Variants in CPSF3 observed in about 807,000 individuals in gnomAD.
The protein encoded by CPSF3 is cleavage and polyadenylation specificity factor subunit 3.
Under a neutral mutation model 84.1 loss-of-function variants are expected in CPSF3, and 57 were observed. The ratio of observed to expected loss-of-function variants is 0.68; its 90% CI spans 0.55 to 0.85. The LOEUF (loss-of-function observed/expected upper bound fraction) is 0.85. Ranked by LOEUF, CPSF3 falls within the 40% of genes least tolerant of loss-of-function variation. The pLI, the probability that CPSF3 is intolerant of heterozygous loss-of-function variation, is 0.00. For synonymous variants in CPSF3, 275 were observed against 278.1 expected (o/e 0.99, Z 0.11); for missense variants, 522 against 838.8 (o/e 0.62, Z 4.66).
In CPSF3 at chr2:9,440,532, A is replaced by G; in HGVS notation, c.802A>G (p.Ile268Val). 1.9e-6 allele frequency: 3 copies of G among 1,614,208 alleles called. No individual in the cohort carries two copies. Among genetic ancestry groups the G allele is most frequent in the Non-Finnish European group, 1.7e-6 (2 of 1,180,024 alleles). ...QNHPELHDIP[I>V]YYASSLAKKC... ...TCACCCAGAACTACATGACATTCCA[A>G]TATACTATGCATCATCTTTGGCCAA... The change falls in exon 8 of 18, where the codon ATA (isoleucine) becomes GTA (valine). Residue 268 changes from isoleucine to valine, a missense_variant. Physicochemically the swap from Ile to Val is conservative, Grantham distance 29. Coordinates refer to ENST00000238112, the MANE Select transcript of CPSF3 (RefSeq NM_016207.4).
At chr2:9,466,261 CACAA>C (rs1681926034) in intron 15 of CPSF3, among the ~76,000 whole-genome samples, 2 of 44,754 alleles carry the variant, frequency 4.5e-5, no homozygotes, top group African/African-American at 1.3e-4. Flanking sequence ...CACACACGCA[CACAA>C]AGACGCACGC....
chr2:9,433,646 C>T (rs1250628506), intron 5 of CPSF3, among the ~76,000 whole-genome samples: 1 of 152,156 alleles, frequency 6.6e-6, no homozygotes, highest in Non-Finnish European at 1.5e-5. Context: ...TGAGATGATA[C>T]TGGGAATAGA....
At position 9,430,810 on chromosome 2, in the gene CPSF3, G is replaced by A; in HGVS notation, c.271G>A (p.Gly91Arg). The A allele has an allele frequency of 6.2e-7, 1 of 1,613,414 alleles. No individual in the cohort carries two copies. The highest frequency in any genetic ancestry group is 2.2e-5 in the East Asian group (1 of 44,842). ...PWFLQKTSFKGRTFMTHATKA... is the reference protein window; with the variant it reads ...PWFLQKTSFKRRTFMTHATKA... ...GTTTCTACAGAAGACAAGTTTCAAAGGAAGAACATTTATGACTCATGCCAC... is the reference window on the plus strand; with the variant it reads ...GTTTCTACAGAAGACAAGTTTCAAAAGAAGAACATTTATGACTCATGCCAC... The change falls in exon 4 of 18, where the codon GGA becomes AGA. Residue 91 changes from glycine (G) to arginine (R), a missense_variant. Physicochemically the swap from Gly to Arg is moderately radical, Grantham distance 125. Transcript: ENST00000238112.
chr2:9,466,216 ACGCACGCACACACACACGTGCG>A (rs1359306979), intron 15 of CPSF3, among the ~76,000 whole-genome samples: 18 of 149,888 alleles, frequency 1.2e-4, no homozygotes, highest in South Asian at 4.2e-4. Flanking sequence ...ACGCGCACAC[ACGCACGCACACACACACGTGCG>A]CGCACGCACG....
rs754487968 is a variant in CPSF3 at position 9,472,897 on chromosome 2, G to T, written c.1954-19G>T. On this transcript the variant is annotated intron_variant, in intron 17 of 17. Transcript: ENST00000238112. ...TTATAGACTTAATTCTAACAGTCTT[G>T]TTTGTGCCTCACTTTCAGACTGTAG... 1 of 1,468,990 alleles carries T rather than the reference G, an allele frequency of 6.8e-7. No individual in the cohort carries two copies. The highest frequency in any genetic ancestry group is 1.1e-5 in the South Asian group (1 of 87,612). 91.0% of individuals were successfully genotyped at this position (1,468,990 alleles called of 1,614,324 possible).
rs11691479 is a variant in CPSF3 at position 9,436,699 on chromosome 2, A to G, written c.760+338A>G. 5.8e-3 allele frequency among the ~76,000 whole-genome samples: 886 copies of G among 151,920 alleles called. 11 individuals are homozygous for G. Among genetic ancestry groups the G allele is most frequent in the African/African-American group, 0.02 (834 of 41,384 alleles). ...AGGCAGAGAATTGCTTGAACCTGGG[A>G]GGTGGAGGTTGTAGTGAGCCGAGAT... is the stretch of plus-strand genomic sequence containing the variant. On this transcript the variant is annotated intron_variant, in intron 7 of 17. Transcript: ENST00000238112.
chr2:9,437,860 GACGTGGTGATAC>G (rs1680838901), intron 7 of CPSF3, among the ~76,000 whole-genome samples: 1 of 152,190 alleles, frequency 6.6e-6, no homozygotes, highest in Admixed American at 6.5e-5. Context: ...GAATTAGCTG[GACGTGGTGATAC>G]ACGCCTGTTG....
At chr2:9,453,443 C>G (rs1681403384) in intron 12 of CPSF3, among the ~76,000 whole-genome samples, 1 of 152,122 alleles carries the variant, frequency 6.6e-6, no homozygotes, top group Non-Finnish European at 1.5e-5. Flanking sequence ...GGAGTAGGAA[C>G]AAAAACTTGT....
chr2:9,440,749 G>A, intron 8 of CPSF3, 83 bp downstream of exon 8: 1 of 1,349,622 alleles, frequency 7.4e-7, no homozygotes, highest in Non-Finnish European at 1.0e-6. Context: ...GTGAGTGATG[G>A]CTCACAGCTG....
chr2:9,441,553 A>G (rs529105883), intron 8 of CPSF3, among the ~76,000 whole-genome samples: 47 of 152,312 alleles, frequency 3.1e-4, no homozygotes, highest in African/African-American at 1.1e-3. Flanking sequence ...GATGGTCCTG[A>G]TGGTTCTGAT....
At chr2:9,455,553 G>T in intron 12 of CPSF3, 106 bp from the exon 13 acceptor site, 1 of 783,328 alleles carries the variant, frequency 1.3e-6, no homozygotes, top group South Asian at 1.8e-5. Context: ...TTAGCTTTCT[G>T]AAAAACATGT....
chr2:9,454,201 A>G (rs548485891), intron 12 of CPSF3, among the ~76,000 whole-genome samples: 2 of 152,182 alleles, frequency 1.3e-5, no homozygotes, highest in South Asian at 2.1e-4. Context: ...CAAGGTCAGG[A>G]GTTCGAGACC....
chr2:9,426,875 C>CAAAAAAAA (rs61487619), intron 1 of CPSF3, among the ~76,000 whole-genome samples: 1 of 131,230 alleles, frequency 7.6e-6, no homozygotes, highest in African/African-American at 2.8e-5. Context: ...GACCTTGTCT[C>CAAAAAAAA]AAAAAAAAAA....
chr2:9,446,597 A>AAG (rs1558457028), intron 10 of CPSF3, among the ~76,000 whole-genome samples: 1 of 151,336 alleles, frequency 6.6e-6, no homozygotes, highest in Non-Finnish European at 1.5e-5. Context: ...AAAAAAAAAA[A>AAG]AAAGTATAAA....
chr2:9,453,205 T>G (rs56061371), intron 12 of CPSF3, among the ~76,000 whole-genome samples, 184 bp downstream of exon 12: 10,487 of 152,288 alleles, frequency 0.069, 1,243 homozygotes, highest in African/African-American at 0.24. Context: ...ACTGAAAGAT[T>G]GAAATTATTG....
At position 9,452,953 on chromosome 2, in the gene CPSF3, A is replaced by T. The variant is rs770264159; in HGVS notation, c.1436A>T (p.Gln479Leu). ...GCAGACAAAAAACCAGAACAAGGCC[A>T]GCGGGTCTCAGGAATACTTGTTAAA... is the stretch of plus-strand genomic sequence containing the variant. The part of the protein sequence containing the change: ...FLADKKPEQG[Q>L]RVSGILVKRN... The change falls in exon 12 of 18, where the codon CAG becomes CTG. Residue 479 changes from glutamine (Q) to leucine (L), a missense_variant. Gln to Leu is a moderately radical substitution (Grantham distance 113). Around this residue, in one of 2 missense-constraint regions of CPSF3, gnomAD observed 329 missense variants for 607.2 expected, o/e 0.54. Transcript: ENST00000238112. 1 of 1,611,420 alleles carries T rather than the reference A, an allele frequency of 6.2e-7. No individual in the cohort carries two copies. The highest frequency in any genetic ancestry group is 1.1e-5 in the South Asian group (1 of 90,076).
chr2:9,434,102 C>T (rs533391172), intron 6 of CPSF3, 142 bp downstream of exon 6: 54 of 550,820 alleles, frequency 9.8e-5, no homozygotes, highest in African/African-American at 8.8e-4. Context: ...AACTGGTGGC[C>T]GGGCACGGTG....
intron 16 of CPSF3, among the ~76,000 whole-genome samples, chr2:9,470,350 C>T (rs182793225): frequency 1.2e-4 from 19 of 152,344 alleles, no homozygotes; most frequent in Non-Finnish European, 1.9e-4. Flanking sequence ...CCACTTCCCC[C>T]GCTTAATACA....
chr2:9,460,679 CTT>C (rs529125315), intron 15 of CPSF3, among the ~76,000 whole-genome samples: 24 of 137,606 alleles, frequency 1.7e-4, no homozygotes, highest in Non-Finnish European at 1.6e-4. Flanking sequence ...TTCTTTCTTT[CTT>C]TTTTTTTTTT....
Sources: allele counts gnomAD v4.1 joint callset (sites outside exome capture counted in the v4.1 genomes callset), GRCh38; gene constraint gnomAD v4.1.1; regional missense constraint gnomAD v4.1.1; transcripts MANE v1.5; gene names NCBI Gene and HGNC (gene_info 2026-07-23, HGNC 2026-07-21).